SPACDR: variants seen among roughly 807,000 people sequenced by gnomAD.
SPACDR encodes the protein uncharacterized protein C7orf61.
chr7:100,459,001 CTTTTTT>C, the SPACDR span, among the ~76,000 whole-genome samples: 5 of 135,288 alleles, frequency 3.7e-5, no homozygotes, highest in African/African-American at 1.2e-4. Flanking sequence ...TCCTTTTTAC[CTTTTTT>C]TTTTTTTTTT....
the SPACDR span, among the ~76,000 whole-genome samples, chr7:100,461,035 C>T: frequency 1.1e-4 from 17 of 152,242 alleles, no homozygotes; most frequent in East Asian, 1.9e-4. Flanking sequence ...GCTTCAGGAT[C>T]GTTCCACTCC....
the SPACDR span, among the ~76,000 whole-genome samples, chr7:100,457,803 A>ATATGTGTGTGTG: frequency 6.8e-4 from 49 of 72,590 alleles, no homozygotes; most frequent in South Asian, 1.2e-3. Flanking sequence ...ATATATATAT[A>ATATGTGTGTGTG]TGTGTGTGTG....
At chr7:100,463,083 G>A in the SPACDR span, among the ~76,000 whole-genome samples, 2 of 149,162 alleles carry the variant, frequency 1.3e-5, no homozygotes, top group African/African-American at 4.9e-5. Context: ...CAGCCTGGGC[G>A]ACAGAGGGAG....
At chr7:100,462,112 G>C in the SPACDR span, among the ~76,000 whole-genome samples, 1 of 152,120 alleles carries the variant, frequency 6.6e-6, no homozygotes, top group East Asian at 1.9e-4. Flanking sequence ...AACTAGCAAT[G>C]CCTATTGTCT....
chr7:100,463,404 C>A, the SPACDR span: 3 of 1,612,666 alleles, frequency 1.9e-6, no homozygotes, highest in South Asian at 3.3e-5. Context: ...AGGGCAGAGA[C>A]CATGAGCGTG....
At chr7:100,456,857 C>T in the SPACDR span, 2 of 1,613,482 alleles carry the variant, frequency 1.2e-6, no homozygotes, top group Non-Finnish European at 1.7e-6. Context: ...GCCTGCGGTA[C>T]AGCCGGCGCA....
the SPACDR span, among the ~76,000 whole-genome samples, chr7:100,457,759 T>G: frequency 2.0e-5 from 3 of 148,224 alleles, no homozygotes; most frequent in Non-Finnish European, 4.5e-5. Flanking sequence ...TAGCTGGGAC[T>G]ACAGTCGTGC....
chr7:100,459,255 C>G, the SPACDR span, among the ~76,000 whole-genome samples: 50 of 151,830 alleles, frequency 3.3e-4, no homozygotes, highest in Non-Finnish European at 5.9e-4. Context: ...CGAGATCCGC[C>G]TGCCTCGGCC....
the SPACDR span, among the ~76,000 whole-genome samples, chr7:100,460,316 G>T: frequency 2.6e-5 from 4 of 151,804 alleles, no homozygotes; most frequent in Admixed American, 2.6e-4. Flanking sequence ...TTGGCCAGGC[G>T]CTGTGGCTCA....
chr7:100,457,853 ATATATT>A, the SPACDR span, among the ~76,000 whole-genome samples: 24 of 47,386 alleles, frequency 5.1e-4, no homozygotes, highest in African/African-American at 1.8e-3. Flanking sequence ...ATATATATAT[ATATATT>A]TTTTTTTTTT....
chr7:100,457,803 A>ATGTGTGTGTGTGTGTG, the SPACDR span, among the ~76,000 whole-genome samples: 3,768 of 72,290 alleles, frequency 0.052, 204 homozygotes, highest in East Asian at 0.084. Context: ...ATATATATAT[A>ATGTGTGTGTGTGTGTG]TGTGTGTGTG....
At chr7:100,464,084 G>T in the SPACDR span, 2 of 1,515,854 alleles carry the variant, frequency 1.3e-6, no homozygotes. Flanking sequence ...TACGGTGGGG[G>T]TGGCGGGTGG....
chr7:100,456,855 T>C, the SPACDR span: 11 of 1,613,294 alleles, frequency 6.8e-6, no homozygotes, highest in Non-Finnish European at 9.3e-6. Context: ...CTGCCTGCGG[T>C]ACAGCCGGCG....
chr7:100,457,866 T>A, the SPACDR span, among the ~76,000 whole-genome samples: 2 of 141,702 alleles, frequency 1.4e-5, no homozygotes, highest in South Asian at 2.2e-4. Context: ...TATTTTTTTT[T>A]TTTTTTGTAG....
chr7:100,459,105 G>A, the SPACDR span, among the ~76,000 whole-genome samples: 10 of 143,716 alleles, frequency 7.0e-5, no homozygotes, highest in South Asian at 4.9e-4. Context: ...CCGGGTTCAC[G>A]CCATTCTCCT....
the SPACDR span, chr7:100,457,026 G>A: frequency 6.1e-6 from 9 of 1,480,912 alleles, no homozygotes; most frequent in Non-Finnish European, 4.6e-6. Context: ...AAATAGCTGG[G>A]TCTAGGGAGA....
At chr7:100,457,791 TTATA>T in the SPACDR span, among the ~76,000 whole-genome samples, 660 of 107,498 alleles carry the variant, frequency 6.1e-3, 16 homozygotes, top group African/African-American at 0.022. Flanking sequence ...CGGCTAACTT[TTATA>T]TATATATATG....
At chr7:100,463,510 G>T in the SPACDR span, 3 of 1,613,838 alleles carry the variant, frequency 1.9e-6, no homozygotes, top group African/African-American at 4.0e-5. Context: ...TGGCCAACAC[G>T]CAGGGATCTG....
At chr7:100,457,803 A>ATGTATGTGTGTGTG in the SPACDR span, among the ~76,000 whole-genome samples, 1 of 72,590 alleles carries the variant, frequency 1.4e-5, no homozygotes, top group African/African-American at 6.5e-5. Flanking sequence ...ATATATATAT[A>ATGTATGTGTGTGTG]TGTGTGTGTG....
Sources: gnomAD v4.1 joint callset for allele counts (sites outside exome capture counted in the v4.1 genomes callset) on GRCh38, gnomAD v4.1.1 for gene constraint, MANE v1.5 for transcripts, NCBI Gene and HGNC (gene_info 2026-07-23, HGNC 2026-07-21) for gene names.